Variants in SND1 observed in about 807,000 individuals in gnomAD.
The protein encoded by SND1 is staphylococcal nuclease and tudor domain containing 1.
Under a neutral mutation model 121.7 loss-of-function variants are expected in SND1, and 38 were observed. The ratio of observed to expected loss-of-function variants is 0.31; its 90% CI spans 0.24 to 0.41. The LOEUF (loss-of-function observed/expected upper bound fraction) is 0.41. Ranked by LOEUF, SND1 falls within the 10% of genes least tolerant of loss-of-function variation. The probability of loss-of-function intolerance (pLI) is 1.00; values close to 1 mark genes in which losing one functional copy is unlikely to be tolerated. For synonymous variants in SND1, 401 were observed against 447.4 expected (o/e 0.90, Z 1.31); for missense variants, 868 against 1,184.6 (o/e 0.73, Z 3.92).
intron 11 of SND1, among the ~76,000 whole-genome samples, chr7:127,843,522 A>C (rs947261848): frequency 5.3e-5 from 8 of 152,162 alleles, no homozygotes; most frequent in Non-Finnish European, 1.0e-4. Flanking sequence ...GTCTGCTTTC[A>C]CTTAGTAATA....
At chr7:127,789,979 A>G (rs1404537592) in intron 10 of SND1, among the ~76,000 whole-genome samples, 1 of 152,168 alleles carries the variant, frequency 6.6e-6, no homozygotes, top group African/African-American at 2.4e-5. Flanking sequence ...CTATCTTTAG[A>G]AGTATAGAGG....
At chr7:127,818,152 A>G (rs920896954) in intron 11 of SND1, among the ~76,000 whole-genome samples, 3 of 152,194 alleles carry the variant, frequency 2.0e-5, no homozygotes, top group Non-Finnish European at 2.9e-5. Context: ...GACTTTAGGT[A>G]TAAGTACTGT....
In SND1 at chr7:127,684,563, C is replaced by CCTCTACTTGCTG. The variant is rs533484569; in HGVS notation, c.79-2043_79-2042insTGCTGCTCTACT. On this transcript the variant is annotated intron_variant, in intron 1 of 23. Coordinates refer to ENST00000354725, the MANE Select transcript of SND1 (RefSeq NM_014390.4). Reference sequence around the variant, plus strand: ...CTTCTTATTCAGGAACTTCAAGCAGCCTCTACTCTAGTATACCTGTTCTTT... The same window carrying CCTCTACTTGCTG: ...CTTCTTATTCAGGAACTTCAAGCAGCCTCTACTTGCTGCTCTACTCTAGTATACCTGTTCTTT... 1.7e-4 allele frequency among the ~76,000 whole-genome samples: 26 copies of CCTCTACTTGCTG among 152,300 alleles called. No individual in the cohort carries two copies. The East Asian group carries it at 4.6e-3, about 27-fold the overall frequency.
intron 10 of SND1, among the ~76,000 whole-genome samples, chr7:127,756,394 G>A (rs933806902): frequency 9.9e-5 from 15 of 152,226 alleles, no homozygotes; most frequent in African/African-American, 3.6e-4. Context: ...GGGCAGGAGA[G>A]CAGAGAGGGG....
At chr7:127,780,201 C>T (rs939153577) in intron 10 of SND1, among the ~76,000 whole-genome samples, 4 of 152,134 alleles carry the variant, frequency 2.6e-5, no homozygotes, top group African/African-American at 4.8e-5. Flanking sequence ...GGGACTGAAT[C>T]GTTTATGTTA....
At chr7:127,936,921 C>T (rs1801073624) in intron 15 of SND1, among the ~76,000 whole-genome samples, 1 of 152,150 alleles carries the variant, frequency 6.6e-6, no homozygotes, top group Non-Finnish European at 1.5e-5. Flanking sequence ...ATTGAGTGTC[C>T]TTATTGTAAT....
intron 15 of SND1, among the ~76,000 whole-genome samples, chr7:127,985,253 C>T (rs1309689056): frequency 6.6e-6 from 1 of 152,176 alleles, no homozygotes; most frequent in East Asian, 1.9e-4. Flanking sequence ...TTGAGTTGTC[C>T]ACTACATTCT....
chr7:127,972,588 T>C (rs1802021694), intron 15 of SND1, among the ~76,000 whole-genome samples: 1 of 150,266 alleles, frequency 6.7e-6, no homozygotes, highest in South Asian at 2.1e-4. Context: ...GGAATCACAA[T>C]CTTAGTTTAC....
chr7:128,016,145 CTTT>C, intron 16 of SND1, among the ~76,000 whole-genome samples: 1 of 144,242 alleles, frequency 6.9e-6, no homozygotes, highest in Admixed American at 6.9e-5. Flanking sequence ...GAACAACTTC[CTTT>C]TTTTTTTTTT....
intron 10 of SND1, among the ~76,000 whole-genome samples, chr7:127,763,684 CAAA>C (rs1212892368): frequency 3.3e-5 from 5 of 151,534 alleles, no homozygotes; most frequent in Middle Eastern, 3.4e-3. Flanking sequence ...AACTTACGGA[CAAA>C]AAAACCCAGG....
intron 10 of SND1, among the ~76,000 whole-genome samples, chr7:127,751,482 T>C (rs1475783239): frequency 1.3e-5 from 2 of 152,212 alleles, no homozygotes; most frequent in Non-Finnish European, 2.9e-5. Flanking sequence ...GCTTTTATAC[T>C]ACATAGATGA....
chr7:127,866,132 C>T (rs1188184644), intron 12 of SND1, among the ~76,000 whole-genome samples: 1 of 152,152 alleles, frequency 6.6e-6, no homozygotes, highest in Non-Finnish European at 1.5e-5. Context: ...CTTCTCCTGT[C>T]AGATGATTCT....
chr7:127,862,486 A>C (rs1259577920), intron 12 of SND1, among the ~76,000 whole-genome samples: 1 of 152,226 alleles, frequency 6.6e-6, no homozygotes, highest in African/African-American at 2.4e-5. Context: ...AGTTAAAAAA[A>C]ATTCAGGTAA....
intron 22 of SND1, 57 bp downstream of exon 22, chr7:128,089,749 G>A: frequency 6.7e-7 from 1 of 1,496,842 alleles, no homozygotes; most frequent in Non-Finnish European, 9.2e-7. Flanking sequence ...CAGAGAAAGG[G>A]ACTGTTCCAC....
At chr7:127,823,131 G>A (rs1442792962) in intron 11 of SND1, among the ~76,000 whole-genome samples, 1 of 152,214 alleles carries the variant, frequency 6.6e-6, no homozygotes, top group Non-Finnish European at 1.5e-5. Flanking sequence ...GACAGAAGGG[G>A]ATGAGCAAAG....
intron 11 of SND1, among the ~76,000 whole-genome samples, chr7:127,824,066 A>G (rs991552852): frequency 6.6e-6 from 1 of 152,368 alleles, no homozygotes; most frequent in Admixed American, 6.5e-5. Context: ...TTTATTAAAA[A>G]ATGTAGGCAA....
At chr7:127,920,507 T>C (rs1260958069) in intron 14 of SND1, among the ~76,000 whole-genome samples, 1 of 152,112 alleles carries the variant, frequency 6.6e-6, no homozygotes, top group Admixed American at 6.5e-5. Context: ...TAACAAAAAA[T>C]TGTAAGACTA....
intron 16 of SND1, among the ~76,000 whole-genome samples, chr7:128,058,026 C>A (rs1263041111): frequency 6.6e-6 from 1 of 152,238 alleles, no homozygotes; most frequent in Non-Finnish European, 1.5e-5. Flanking sequence ...AGTCCCTTAG[C>A]CTGGCTATCA....
chr7:127,741,446 A>G (rs745808049), intron 10 of SND1, among the ~76,000 whole-genome samples: 4 of 152,070 alleles, frequency 2.6e-5, no homozygotes, highest in East Asian at 1.9e-4. Flanking sequence ...GGAACTTGAG[A>G]ACAAAATAAA....
Sources: allele counts gnomAD v4.1 joint callset (sites outside exome capture counted in the v4.1 genomes callset), GRCh38; gene constraint gnomAD v4.1.1; transcripts MANE v1.5; gene names NCBI Gene and HGNC (gene_info 2026-07-23, HGNC 2026-07-21).